Variants in INSR observed in about 807,000 individuals in gnomAD.
INSR encodes the protein insulin receptor, also known as IR.
In INSR, 67 loss-of-function variants were observed where a neutral mutation model predicts 142.6. The observed-to-expected ratio is 0.47, with a 90% CI of 0.39 to 0.58. The LOEUF is 0.58. Ranked by LOEUF, INSR falls within the 20% of genes least tolerant of loss-of-function variation. The probability of loss-of-function intolerance (pLI) is 0.00; values close to 1 mark genes in which losing one functional copy is unlikely to be tolerated. For synonymous variants in INSR, 756 were observed against 743.1 expected (o/e 1.02, Z -0.28); for missense variants, 1,248 against 1,833.2 (o/e 0.68, Z 5.83).
At chr19:7,121,503 G>A (rs1232581564) in intron 19 of INSR, among the ~76,000 whole-genome samples, 1 of 151,918 alleles carries the variant, frequency 6.6e-6, no homozygotes, top group Non-Finnish European at 1.5e-5. Context: ...GCGTCTCACT[G>A]TCACCCAGGC....
chr19:7,190,351 G>C (rs986558947), intron 2 of INSR, among the ~76,000 whole-genome samples: 1 of 148,344 alleles, frequency 6.7e-6, no homozygotes, highest in South Asian at 2.1e-4. Flanking sequence ...TAAACATGCT[G>C]ACCTGTGTTC....
intron 8 of INSR, among the ~76,000 whole-genome samples, chr19:7,165,641 T>C (rs55846402): frequency 0.18 from 27,274 of 151,862 alleles, 2,721 homozygotes; most frequent in South Asian, 0.28. Context: ...GGCAGGAGGA[T>C]CACTTGAGGC....
intron 1 of INSR, among the ~76,000 whole-genome samples, chr19:7,290,424 A>G (rs1242223315): frequency 6.6e-6 from 1 of 151,974 alleles, no homozygotes; most frequent in Admixed American, 6.6e-5. Context: ...ATAGATAGCT[A>G]GAGAGATAGA....
At chr19:7,193,131 T>C (rs1568476959) in intron 2 of INSR, among the ~76,000 whole-genome samples, 1 of 151,774 alleles carries the variant, frequency 6.6e-6, no homozygotes, top group East Asian at 1.9e-4. Context: ...TTTTTTTTTT[T>C]TCCCCAGATG....
chr19:7,208,389 A>C (rs1975176409), intron 2 of INSR, among the ~76,000 whole-genome samples: 1 of 152,178 alleles, frequency 6.6e-6, no homozygotes, highest in Admixed American at 6.6e-5. Flanking sequence ...TACAGGATAC[A>C]AAGATAAAAT....
At chr19:7,250,329 A>G (rs1976672569) in intron 2 of INSR, among the ~76,000 whole-genome samples, 1 of 148,684 alleles carries the variant, frequency 6.7e-6, no homozygotes. Flanking sequence ...AAAGGAAGAG[A>G]GAGAAAAAGA....
Position 7,119,701 on chromosome 19 carries a change from T to TACATGCAAACACAC in INSR, c.3660-132_3660-119dup, listed in dbSNP as rs548043043. 6 of 1,140,460 alleles carry TACATGCAAACACAC rather than the reference T, an allele frequency of 5.3e-6. No homozygotes were observed. The Admixed American group carries it at 7.4e-5, about 14-fold the overall frequency. 70.6% of individuals were successfully genotyped at this position (1,140,460 alleles called of 1,614,324 possible). On this transcript the variant is annotated intron_variant, in intron 20 of 21. Coordinates refer to ENST00000302850, the MANE Select transcript of INSR (RefSeq NM_000208.4). This position sits in a 1 kb window ranked among gnomAD's most constrained non-coding sequence, Gnocchi z 5.2. ...ACACGCAAACACACATGCCAACACATACATGCAAACACACACATGCAAACA... is the reference window on the plus strand; with the variant it reads ...ACACGCAAACACACATGCCAACACATACATGCAAACACACACATGCAAACACACACATGCAAACA...
chr19:7,200,267 T>G (rs973899278), intron 2 of INSR, among the ~76,000 whole-genome samples: 2 of 152,152 alleles, frequency 1.3e-5, no homozygotes, highest in Admixed American at 1.3e-4. Flanking sequence ...AAGAAGAGGC[T>G]GGCTTCTGAA....
At chr19:7,275,385 A>G (rs907488620) in intron 1 of INSR, among the ~76,000 whole-genome samples, 1 of 152,152 alleles carries the variant, frequency 6.6e-6, no homozygotes, top group Non-Finnish European at 1.5e-5. Flanking sequence ...TTCCAAATAT[A>G]TGGGAGAGTT....
rs763131223 is a variant in INSR, at chr19:7,168,962, T to C, written c.1484-868A>G. On this transcript the variant is annotated intron_variant, in intron 6 of 21. Coordinates refer to ENST00000302850, the MANE Select transcript of INSR (RefSeq NM_000208.4). The surrounding 1 kb of genome is among the most constrained non-coding windows in gnomAD (Gnocchi z 4.3). ...CCCATGAAGGTATCCCAGAAGCCCT[T>C]GGCAGCTCACTGTTTAGAATCTGTC... is the stretch of plus-strand genomic sequence containing the variant. Among the ~76,000 whole-genome samples, 10 of 152,154 alleles carry C rather than the reference T, an allele frequency of 6.6e-5. No individual in the cohort carries two copies. Among genetic ancestry groups the C allele is most frequent in the Non-Finnish European group, 1.5e-4 (10 of 68,014 alleles).
At chr19:7,214,323 C>A (rs1043660267) in intron 2 of INSR, among the ~76,000 whole-genome samples, 26 of 152,226 alleles carry the variant, frequency 1.7e-4, no homozygotes, top group African/African-American at 6.3e-4. Flanking sequence ...CCTCCATAAA[C>A]ATTTGCTGAA....
At chr19:7,200,930 C>T (rs947410547) in intron 2 of INSR, among the ~76,000 whole-genome samples, 3 of 151,316 alleles carry the variant, frequency 2.0e-5, no homozygotes, top group Non-Finnish European at 2.9e-5. Context: ...TTGTGGTTGC[C>T]GAGTCACAGC....
At chr19:7,239,059 G>A (rs1293900337) in intron 2 of INSR, among the ~76,000 whole-genome samples, 1 of 149,400 alleles carries the variant, frequency 6.7e-6, no homozygotes, top group Non-Finnish European at 1.5e-5. Flanking sequence ...TTAAAGAAGA[G>A]CAACTGAAGA....
At chr19:7,180,529 CAAA>C (rs57184012) in intron 3 of INSR, among the ~76,000 whole-genome samples, 6 of 91,866 alleles carry the variant, frequency 6.5e-5, no homozygotes, top group Admixed American at 1.2e-4. Flanking sequence ...GACCTTGTCT[CAAA>C]AAAAAAAAAA....
At chr19:7,154,524 G>A (rs551921319) in intron 9 of INSR, among the ~76,000 whole-genome samples, 54 of 150,440 alleles carry the variant, frequency 3.6e-4, no homozygotes, top group Non-Finnish European at 7.1e-4. Context: ...GGATGGTCTC[G>A]ATCTCCTGAC....
intron 2 of INSR, among the ~76,000 whole-genome samples, chr19:7,266,144 CA>C (rs1967716251): frequency 1.3e-5 from 2 of 152,170 alleles, no homozygotes; most frequent in African/African-American, 2.4e-5. Flanking sequence ...CTCCCTCCCG[CA>C]GTAAATTATG....
In INSR at chr19:7,236,369, T is replaced by C. The variant is rs76946780; in HGVS notation, c.652+30976A>G. Among the ~76,000 whole-genome samples, 1,517 of 152,268 alleles carry C rather than the reference T, an allele frequency of 1.0e-2. 29 individuals are homozygous for C. The highest frequency in any genetic ancestry group is 0.034 in the African/African-American group (1,433 of 41,540). ...GTCCACATAAAAGACTCCTACACAA[T>C]TGTGTATAACAGGTTCATGCAGGTT... is the stretch of plus-strand genomic sequence containing the variant. On this transcript the variant is annotated intron_variant, in intron 2 of 21. Coordinates refer to ENST00000302850, the MANE Select transcript of INSR (RefSeq NM_000208.4).
At chr19:7,220,354 G>A (rs1316044961) in intron 2 of INSR, among the ~76,000 whole-genome samples, 4 of 152,122 alleles carry the variant, frequency 2.6e-5, no homozygotes, top group African/African-American at 4.8e-5. Flanking sequence ...GCAGTGGTGC[G>A]ATCTTGGCTC....
intron 2 of INSR, among the ~76,000 whole-genome samples, chr19:7,185,840 T>TAAAAAAAAA (rs1491513652): frequency 3.3e-4 from 2 of 6,020 alleles, no homozygotes; most frequent in African/African-American, 4.8e-4. Context: ...CAAAATTCTG[T>TAAAAAAAAA]CAAAAAAAAA....
Sources: allele counts gnomAD v4.1 joint callset (sites outside exome capture counted in the v4.1 genomes callset), GRCh38; gene constraint gnomAD v4.1.1; non-coding constraint Gnocchi (gnomAD v3.1); transcripts MANE v1.5; gene names NCBI Gene and HGNC (gene_info 2026-07-23, HGNC 2026-07-21).